ARHGAP22: variants seen among roughly 807,000 people sequenced by gnomAD.
ARHGAP22 encodes Rho GTPase activating protein 22.
Under a neutral mutation model 59.1 loss-of-function variants are expected in ARHGAP22, and 48 were observed. The ratio of observed to expected loss-of-function variants is 0.81; its 90% CI spans 0.64 to 1.03. ARHGAP22 has a LOEUF of 1.03. ARHGAP22 is among the 50% of genes least tolerant of loss of function. The probability of loss-of-function intolerance (pLI) is 0.00; values close to 1 mark genes in which losing one functional copy is unlikely to be tolerated. For missense variants in ARHGAP22, 1,015 were observed against 958.7 expected (o/e 1.06, Z -0.78); for synonymous variants, 445 against 416.4 (o/e 1.07, Z -0.84).
At chr10:48,575,221 C>T (rs755406603) in intron 2 of ARHGAP22, 4 of 152,114 alleles carry the variant, frequency 2.6e-5, no homozygotes, top group East Asian at 1.9e-4. Flanking sequence ...ATCATGCTTC[C>T]TGTACAGCAT....
At chr10:48,589,557 A>T (rs2059629618) in intron 1 of ARHGAP22, among the ~76,000 whole-genome samples, 1 of 151,952 alleles carries the variant, frequency 6.6e-6, no homozygotes, top group Non-Finnish European at 1.5e-5. Flanking sequence ...TCCCCAACCC[A>T]CTTCTCCTCC....
intron 1 of ARHGAP22, among the ~76,000 whole-genome samples, chr10:48,588,562 G>A (rs999375602): frequency 6.6e-6 from 1 of 152,174 alleles, no homozygotes; most frequent in Non-Finnish European, 1.5e-5. Context: ...AGAGTTTCTG[G>A]AGGGTCCCCA....
At chr10:48,563,621 G>C (rs2057856212) in intron 2 of ARHGAP22, among the ~76,000 whole-genome samples, 1 of 152,114 alleles carries the variant, frequency 6.6e-6, no homozygotes, top group African/African-American at 2.4e-5. Context: ...ATCTTTCGGG[G>C]AGCCATTATT....
intron 3 of ARHGAP22, among the ~76,000 whole-genome samples, chr10:48,534,205 A>G (rs1713076371): frequency 6.6e-6 from 1 of 152,222 alleles, no homozygotes; most frequent in Non-Finnish European, 1.5e-5. Flanking sequence ...CCAAATTCCC[A>G]CAGAGAAAGA....
At chr10:48,490,555 G>A (rs1294142522) in intron 3 of ARHGAP22, among the ~76,000 whole-genome samples, 5 of 152,112 alleles carry the variant, frequency 3.3e-5, no homozygotes, top group African/African-American at 1.2e-4. Flanking sequence ...GTGACTTCCC[G>A]TAGGCACAAT....
At chr10:48,435,089 C>A in the ARHGAP22 span, 46 of 1,282,928 alleles carry the variant, frequency 3.6e-5, no homozygotes, top group African/African-American at 6.6e-4. Context: ...GATAGAACTA[C>A]TTTGAAAACA....
chr10:48,488,625 C>T (rs981880566), intron 3 of ARHGAP22, among the ~76,000 whole-genome samples: 5 of 152,178 alleles, frequency 3.3e-5, no homozygotes, highest in Non-Finnish European at 5.9e-5. Flanking sequence ...TGAGGGAAAA[C>T]CCTTCTGTAT....
chr10:48,552,026 C>G (rs935284247), intron 3 of ARHGAP22, among the ~76,000 whole-genome samples: 1 of 152,260 alleles, frequency 6.6e-6, no homozygotes, highest in Non-Finnish European at 1.5e-5. Flanking sequence ...TGGCAGATCT[C>G]TCCACTAGAT....
At chr10:48,573,064 A>G (rs1006457142) in intron 2 of ARHGAP22, among the ~76,000 whole-genome samples, 3 of 152,232 alleles carry the variant, frequency 2.0e-5, no homozygotes, top group African/African-American at 7.2e-5. Flanking sequence ...CTGGTTCATC[A>G]GATATATAAA....
chr10:48,479,800 C>T (rs767167092), intron 3 of ARHGAP22, 36 bp from the exon 4 acceptor site: 1 of 1,525,118 alleles, frequency 6.6e-7, no homozygotes. Context: ...ACGCAGGGTC[C>T]CTGCCCGCAG....
At chr10:48,654,790 CTTTCTTTCTTTCT>C (rs1554967793), upstream of ARHGAP22, among the ~76,000 whole-genome samples, 1 of 95,142 alleles carries the variant, frequency 1.1e-5, no homozygotes, top group Non-Finnish European at 2.4e-5. Flanking sequence ...TTCTTTCTTT[CTTTCTTTCTTTCT>C]TTCTTTCTTT....
At chr10:48,631,511 C>T (rs966941874) in intron 1 of ARHGAP22, among the ~76,000 whole-genome samples, 4 of 152,076 alleles carry the variant, frequency 2.6e-5, no homozygotes, top group Admixed American at 2.6e-4. Flanking sequence ...ATATATTTCT[C>T]CTTGGGATAT....
At chr10:48,561,569 A>C (rs2057690019) in intron 2 of ARHGAP22, among the ~76,000 whole-genome samples, 1 of 152,214 alleles carries the variant, frequency 6.6e-6, no homozygotes, top group African/African-American at 2.4e-5. Context: ...TACTAGGAGA[A>C]ATATTTGAAT....
At chr10:48,523,376 G>A (rs957209086) in intron 3 of ARHGAP22, among the ~76,000 whole-genome samples, 1 of 152,246 alleles carries the variant, frequency 6.6e-6, no homozygotes, top group Non-Finnish European at 1.5e-5. Context: ...CGATCAACAG[G>A]GATCATTTCA....
chr10:48,585,075 T>C (rs552107904), intron 1 of ARHGAP22, among the ~76,000 whole-genome samples: 7 of 151,570 alleles, frequency 4.6e-5, no homozygotes, highest in African/African-American at 1.7e-4. Context: ...AAAAGCTGAG[T>C]GTTGAGAGAG....
At chr10:48,647,640 A>G (rs2062365363) in intron 1 of ARHGAP22, among the ~76,000 whole-genome samples, 1 of 152,252 alleles carries the variant, frequency 6.6e-6, no homozygotes, top group Non-Finnish European at 1.5e-5. Context: ...AGATTTCAGA[A>G]AACATTTTGA....
chr10:48,613,261 C>A (rs1276322845), intron 1 of ARHGAP22, among the ~76,000 whole-genome samples: 1 of 152,168 alleles, frequency 6.6e-6, no homozygotes, highest in Non-Finnish European at 1.5e-5. Flanking sequence ...CTACCACTGT[C>A]ATGTGACAGA....
intron 2 of ARHGAP22, among the ~76,000 whole-genome samples, chr10:48,562,380 A>C (rs891477904): frequency 6.6e-6 from 1 of 152,212 alleles, no homozygotes; most frequent in African/African-American, 2.4e-5. Flanking sequence ...AAAATTTGCT[A>C]TAATGCAAAT....
At chr10:48,555,939 A>G (rs1210058575) in intron 2 of ARHGAP22, among the ~76,000 whole-genome samples, 2 of 152,174 alleles carry the variant, frequency 1.3e-5, no homozygotes, top group Non-Finnish European at 2.9e-5. Flanking sequence ...CTGAGGCAAC[A>G]TGGGGGAAAG....
Sources: gnomAD v4.1 joint callset for allele counts (sites outside exome capture counted in the v4.1 genomes callset) on GRCh38, gnomAD v4.1.1 for gene constraint, MANE v1.5 for transcripts, NCBI Gene and HGNC (gene_info 2026-07-23, HGNC 2026-07-21) for gene names.